Variants in ADGRL3 observed in about 807,000 individuals in gnomAD.
ADGRL3 encodes calcium-independent alpha-latrotoxin receptor 3.
Under a neutral mutation model 153.5 loss-of-function variants are expected in ADGRL3, and 62 were observed. The ratio of observed to expected loss-of-function variants is 0.40; its 90% CI spans 0.33 to 0.50. The LOEUF (loss-of-function observed/expected upper bound fraction) is 0.50. Among genes scored for constraint, ADGRL3 ranks in the 20% least tolerant of loss-of-function variants. ADGRL3 has a pLI of 0.47. For missense variants in ADGRL3, 1,641 were observed against 1,859.4 expected (o/e 0.88, Z 2.16); for synonymous variants, 710 against 672.5 (o/e 1.06, Z -0.86).
intron 4 of ADGRL3, among the ~76,000 whole-genome samples, chr4:61,540,625 G>A (rs1266111227): frequency 2.0e-5 from 3 of 152,102 alleles, no homozygotes; most frequent in Non-Finnish European, 4.4e-5. Flanking sequence ...ATTTCCATAT[G>A]TTTTAGATAT....
At chr4:62,054,574 G>A (rs1735985524) in intron 25 of ADGRL3, among the ~76,000 whole-genome samples, 1 of 151,490 alleles carries the variant, frequency 6.6e-6, no homozygotes, top group African/African-American at 2.4e-5. Flanking sequence ...AAAAATTATA[G>A]TTCAGATTTT....
intron 1 of ADGRL3, among the ~76,000 whole-genome samples, chr4:61,370,325 G>A (rs1472086337): frequency 6.6e-6 from 1 of 151,234 alleles, no homozygotes; most frequent in African/African-American, 2.4e-5. Context: ...TGATGTTAGG[G>A]TGTCAATTTT....
At chr4:62,001,859 C>A (rs960805732) in intron 21 of ADGRL3, among the ~76,000 whole-genome samples, 7 of 152,038 alleles carry the variant, frequency 4.6e-5, no homozygotes, top group Non-Finnish European at 8.8e-5. Context: ...AGACAGGCCC[C>A]CTTGTTCAAT....
intron 1 of ADGRL3, among the ~76,000 whole-genome samples, chr4:61,258,997 A>T (rs1360736103): frequency 2.0e-5 from 3 of 152,178 alleles, no homozygotes. Context: ...AAGCATTCCC[A>T]AATTTGCCTC....
At chr4:61,362,345 T>TATAC (rs1553912119) in intron 1 of ADGRL3, among the ~76,000 whole-genome samples, 25 of 149,910 alleles carry the variant, frequency 1.7e-4, no homozygotes, top group African/African-American at 5.9e-4. Flanking sequence ...TATATATATA[T>TATAC]ACACACACAC....
At chr4:61,800,448 T>TAGAGGGTCC (rs1478717891) in intron 8 of ADGRL3, among the ~76,000 whole-genome samples, 2 of 152,264 alleles carry the variant, frequency 1.3e-5, no homozygotes, top group African/African-American at 4.8e-5. Flanking sequence ...TTCATAAGTC[T>TAGAGGGTCC]ATTGTAGAGG....
chr4:61,574,656 G>T (rs954580061), intron 4 of ADGRL3, among the ~76,000 whole-genome samples: 1 of 151,744 alleles, frequency 6.6e-6, no homozygotes, highest in Non-Finnish European at 1.5e-5. Context: ...AATCAATATG[G>T]TTTGACAGGA....
intron 9 of ADGRL3, among the ~76,000 whole-genome samples, chr4:61,846,972 A>ATATATATG (rs1554045748): frequency 0.01 from 1,537 of 148,170 alleles, 32 homozygotes; most frequent in African/African-American, 0.037. Context: ...GTGTGTGTGT[A>ATATATATG]TATATATGTA....
chr4:61,693,765 C>T (rs926287214), intron 6 of ADGRL3, among the ~76,000 whole-genome samples: 1 of 152,132 alleles, frequency 6.6e-6, no homozygotes, highest in African/African-American at 2.4e-5. Flanking sequence ...AAAGGACTGG[C>T]AGTGTCAGCT....
chr4:62,036,059 C>T (rs943048764), intron 23 of ADGRL3, among the ~76,000 whole-genome samples: 6 of 152,044 alleles, frequency 3.9e-5, no homozygotes, highest in African/African-American at 1.4e-4. Context: ...TATGGACTGA[C>T]TTGTAAACAC....
chr4:61,314,504 G>A (rs896115241), intron 1 of ADGRL3, among the ~76,000 whole-genome samples: 3 of 152,098 alleles, frequency 2.0e-5, no homozygotes, highest in East Asian at 1.9e-4. Flanking sequence ...CACTGCGCTG[G>A]GCCCCCTACC....
intron 1 of ADGRL3, among the ~76,000 whole-genome samples, chr4:61,363,766 T>G (rs1489955457): frequency 6.6e-6 from 1 of 152,148 alleles, no homozygotes; most frequent in African/African-American, 2.4e-5. Context: ...TGGATTTTTT[T>G]TTAATCTTTT....
chr4:61,342,392 A>G (rs2095823987), intron 1 of ADGRL3, among the ~76,000 whole-genome samples: 1 of 152,178 alleles, frequency 6.6e-6, no homozygotes. Context: ...TTTAATAGTG[A>G]TAATGACAAC....
At chr4:61,335,914 C>G (rs1344896184) in intron 1 of ADGRL3, among the ~76,000 whole-genome samples, 1 of 152,112 alleles carries the variant, frequency 6.6e-6, no homozygotes, top group African/African-American at 2.4e-5. Flanking sequence ...AAGAAGTTTT[C>G]AATTAAGTAT....
chr4:61,463,256 G>C (rs1367255118), intron 2 of ADGRL3, among the ~76,000 whole-genome samples: 5 of 152,140 alleles, frequency 3.3e-5, no homozygotes, highest in African/African-American at 1.2e-4. Flanking sequence ...AAAACTACCT[G>C]AGACTGGGTA....
At chr4:61,371,248 T>C (rs1181974920) in intron 1 of ADGRL3, among the ~76,000 whole-genome samples, 4 of 151,676 alleles carry the variant, frequency 2.6e-5, no homozygotes, top group Non-Finnish European at 1.5e-5. Flanking sequence ...TTAATAGTGT[T>C]ATGTGTGAAT....
chr4:61,564,965 C>T (rs2098810441), intron 4 of ADGRL3, among the ~76,000 whole-genome samples: 1 of 152,068 alleles, frequency 6.6e-6, no homozygotes, highest in Admixed American at 6.6e-5. Flanking sequence ...CTAAAACAAT[C>T]ACAATAGTAA....
At position 61,459,242 on chromosome 4, in the gene ADGRL3, A is replaced by G. The variant is rs549871390; in HGVS notation, c.-173-37879A>G. 5.3e-5 allele frequency among the ~76,000 whole-genome samples: 8 copies of G among 152,020 alleles called. No individual in the cohort carries two copies. In the South Asian group the frequency reaches 1.7e-3, roughly 32 times the overall value. ...TCGATTCATTTTTGGTGTTTGGTTT[A>G]TAAATATTAGTAAAAAACAAATAAA... On this transcript the variant is annotated intron_variant, in intron 2 of 26. Coordinates refer to ENST00000683033, the MANE Select transcript of ADGRL3 (RefSeq NM_001387552.1).
At chr4:61,557,821 TG>T (rs1407707142) in intron 4 of ADGRL3, among the ~76,000 whole-genome samples, 1 of 151,814 alleles carries the variant, frequency 6.6e-6, no homozygotes, top group Non-Finnish European at 1.5e-5. Flanking sequence ...TGATTGGTTT[TG>T]TTTGTTTGTT....
Sources: gnomAD v4.1 joint callset for allele counts (sites outside exome capture counted in the v4.1 genomes callset) on GRCh38, gnomAD v4.1.1 for gene constraint, MANE v1.5 for transcripts, NCBI Gene and HGNC (gene_info 2026-07-23, HGNC 2026-07-21) for gene names.